The following PCDHGA7 variants were observed in gnomAD, a reference collection of about 807,000 sequenced individuals.
PCDHGA7 encodes protocadherin gamma-A7.
PCDHGA7 carries 44 observed loss-of-function variants against 58.3 expected under a neutral mutation model. The ratio of observed to expected loss-of-function variants is 0.75; its 90% CI spans 0.59 to 0.97. PCDHGA7 has a LOEUF of 0.97. PCDHGA7 is among the 50% of genes least tolerant of loss of function. The pLI, the probability that PCDHGA7 is intolerant of heterozygous loss-of-function variation, is 0.00. For synonymous variants in PCDHGA7, 516 were observed against 504.2 expected, an observed-to-expected ratio of 1.02 and a Z score of -0.31; for missense variants, 1,266 against 1,188.7, an observed-to-expected ratio of 1.06 and a Z score of -0.96.
chr5:141,404,600 CTGTT>C (rs901473063), intron 1 of PCDHGA7: 9 of 1,613,938 alleles, frequency 5.6e-6, no homozygotes, highest in East Asian at 2.2e-5. Flanking sequence ...GTCATTGAGA[CTGTT>C]TGTTTTGGAC....
At chr5:141,457,750 C>G (rs900052683) in intron 1 of PCDHGA7, among the ~76,000 whole-genome samples, 4 of 152,188 alleles carry the variant, frequency 2.6e-5, no homozygotes, top group African/African-American at 9.6e-5. Flanking sequence ...AAGCTGAGCC[C>G]AGACATGGGT....
chr5:141,394,859 C>A, intron 1 of PCDHGA7: 1 of 1,613,758 alleles, frequency 6.2e-7, no homozygotes. Context: ...AGCCTTCGGT[C>A]GACCCGAACG....
intron 1 of PCDHGA7, chr5:141,419,425 C>A (rs3749766): frequency 2.5e-6 from 4 of 1,613,316 alleles, no homozygotes; most frequent in Non-Finnish European, 3.4e-6. Context: ...CCTTCGACCA[C>A]GAGCAGCTGC....
At chr5:141,497,354 A>G (rs1430368474) in intron 2 of PCDHGA7, among the ~76,000 whole-genome samples, 1 of 152,054 alleles carries the variant, frequency 6.6e-6, no homozygotes, top group Non-Finnish European at 1.5e-5. Flanking sequence ...AGCCCCACCA[A>G]CTGCCTCTCA....
intron 1 of PCDHGA7, chr5:141,414,330 G>T: frequency 6.2e-7 from 1 of 1,613,714 alleles, no homozygotes; most frequent in Non-Finnish European, 8.5e-7. Flanking sequence ...AGAATGGACA[G>T]GTAACCTGTT....
intron 1 of PCDHGA7, among the ~76,000 whole-genome samples, chr5:141,386,454 C>T (rs1377987276): frequency 6.6e-6 from 1 of 152,064 alleles, no homozygotes; most frequent in South Asian, 2.1e-4. Flanking sequence ...GGCAAGAGGA[C>T]AGCTTGAACC....
intron 1 of PCDHGA7, chr5:141,400,181 A>T: frequency 6.2e-7 from 1 of 1,614,034 alleles, no homozygotes; most frequent in Non-Finnish European, 8.5e-7. Flanking sequence ...GCTGAGCTGC[A>T]GTTTTACCTA....
Position 141,431,010 on chromosome 5 carries a change from T to G in PCDHGA7, c.2424+45687T>G. 2 of 1,613,972 alleles carry G rather than the reference T, an allele frequency of 1.2e-6. No individual in the cohort carries two copies. The highest frequency in any genetic ancestry group is 1.7e-6 in the Non-Finnish European group (2 of 1,179,964). The stretch of plus-strand genomic sequence containing the variant: ...GCCCTGAATCCGCGCAGCGGCAGCT[T>G]GGTCACGGCGGGCAGGATAGACCGG... On this transcript the variant is annotated intron_variant, in intron 1 of 3. Transcript: ENST00000518325. The surrounding 1 kb of genome is among the most constrained non-coding windows in gnomAD (Gnocchi z 4.8).
At chr5:141,439,124 CAG>C (rs2098089371) in intron 1 of PCDHGA7, among the ~76,000 whole-genome samples, 1 of 150,004 alleles carries the variant, frequency 6.7e-6, no homozygotes, top group Non-Finnish European at 1.5e-5. Flanking sequence ...ACCCGGGAGA[CAG>C]AGGTTGCAGT....
intron 1 of PCDHGA7, among the ~76,000 whole-genome samples, chr5:141,460,983 GTATATA>G (rs59296681): frequency 0.23 from 32,081 of 137,558 alleles, 4,351 homozygotes; most frequent in African/African-American, 0.39. Context: ...GTGTGTGTGT[GTATATA>G]TATATATGTG....
At position 141,489,783 on chromosome 5, in the gene PCDHGA7, T is replaced by C; in HGVS notation, c.2425-5024T>C. The C allele has an allele frequency of 6.2e-7, 1 of 1,614,164 alleles. No individual in the cohort carries two copies. On this transcript the variant is annotated intron_variant, in intron 1 of 3. Transcript: ENST00000518325. The surrounding 1 kb of genome is among the most constrained non-coding windows in gnomAD (Gnocchi z 4.5). ...GCCCCAACAGCCACTTCTCTCTGAA[T>C]GTGAAGACCCTAAAAGATGGGAAGC... is the stretch of plus-strand genomic sequence containing the variant.
chr5:141,410,665 G>A, intron 1 of PCDHGA7: 1 of 1,569,394 alleles, frequency 6.4e-7, no homozygotes, highest in Non-Finnish European at 8.6e-7. Context: ...TAGTCTACTA[G>A]TTTCTCATAT....
intron 1 of PCDHGA7, chr5:141,430,966 A>G: frequency 1.2e-6 from 2 of 1,612,916 alleles, no homozygotes. Context: ...TCATCCCCAG[A>G]GGTAGGACGC....
At chr5:141,398,819 A>C (rs571120530) in intron 1 of PCDHGA7, 1 of 1,613,994 alleles carries the variant, frequency 6.2e-7, no homozygotes, top group East Asian at 2.2e-5. Flanking sequence ...CTCCGGATCC[A>C]GGTAACCGAC....
At chr5:141,459,737 A>T (rs2098974670) in intron 1 of PCDHGA7, among the ~76,000 whole-genome samples, 1 of 152,176 alleles carries the variant, frequency 6.6e-6, no homozygotes, top group African/African-American at 2.4e-5. Flanking sequence ...CAATTTTTTA[A>T]ATTTTAGCAA....
At chr5:141,483,737 G>T (rs1052778197) in intron 1 of PCDHGA7, among the ~76,000 whole-genome samples, 1 of 152,102 alleles carries the variant, frequency 6.6e-6, no homozygotes, top group Admixed American at 6.5e-5. Flanking sequence ...TAGTCAAAAG[G>T]ATATTCCTGA....
At chr5:141,451,315 T>A (rs2154563546) in intron 1 of PCDHGA7, among the ~76,000 whole-genome samples, 1 of 152,330 alleles carries the variant, frequency 6.6e-6, no homozygotes, top group South Asian at 2.1e-4. Context: ...GCAATTAAAG[T>A]GTCACCTAAG....
chr5:141,404,545 G>A (rs763601254), intron 1 of PCDHGA7: 1 of 1,613,940 alleles, frequency 6.2e-7, no homozygotes, highest in Admixed American at 1.7e-5. Context: ...TGCAAATGCA[G>A]GTGACGGCAA....
chr5:141,439,363 A>G (rs922889903), intron 1 of PCDHGA7, among the ~76,000 whole-genome samples: 2 of 152,208 alleles, frequency 1.3e-5, no homozygotes, highest in African/African-American at 2.4e-5. Context: ...TCAAACATCA[A>G]GAAGAAATAA....
Sources: allele counts gnomAD v4.1 joint callset (sites outside exome capture counted in the v4.1 genomes callset), GRCh38; gene constraint gnomAD v4.1.1; non-coding constraint Gnocchi (gnomAD v3.1); transcripts MANE v1.5; gene names NCBI Gene and HGNC (gene_info 2026-07-23, HGNC 2026-07-21).